The following PTPRD variants were observed in gnomAD, a reference collection of about 807,000 sequenced individuals.
PTPRD encodes the protein receptor-type tyrosine-protein phosphatase delta.
A neutral mutation model predicts 214.5 loss-of-function variants in PTPRD; 34 were observed. The ratio of observed to expected loss-of-function variants is 0.16; its 90% CI spans 0.12 to 0.21. PTPRD has a LOEUF of 0.21. Among genes scored for constraint, PTPRD ranks in the 10% least tolerant of loss-of-function variants. The pLI is 1.00. For synonymous variants in PTPRD, 1,128 were observed against 845.7 expected (o/e 1.33, Z -5.79); for missense variants, 2,545 against 2,398.7 (o/e 1.06, Z -1.27).
intron 10 of PTPRD, among the ~76,000 whole-genome samples, chr9:9,061,424 T>G (rs1363869336): frequency 1.3e-5 from 2 of 152,194 alleles, no homozygotes; most frequent in Non-Finnish European, 2.9e-5. Flanking sequence ...AACAAGGTAA[T>G]GAAGACTCGG....
chr9:8,423,346 T>C (rs911402746), intron 35 of PTPRD, among the ~76,000 whole-genome samples: 5 of 152,136 alleles, frequency 3.3e-5, no homozygotes, highest in South Asian at 4.1e-4. Flanking sequence ...TGGAAATAAA[T>C]GTAGGTAGGC....
intron 2 of PTPRD, among the ~76,000 whole-genome samples, chr9:10,398,281 G>A (rs1305674345): frequency 6.6e-6 from 1 of 151,582 alleles, no homozygotes; most frequent in Non-Finnish European, 1.5e-5. Flanking sequence ...CTCGGAACCT[G>A]AATTGGGAAA....
At chr9:9,101,694 T>G (rs184146991) in intron 10 of PTPRD, among the ~76,000 whole-genome samples, 1 of 152,338 alleles carries the variant, frequency 6.6e-6, no homozygotes, top group East Asian at 1.9e-4. Flanking sequence ...AGACATGATG[T>G]GTGCCTGTCA....
intron 2 of PTPRD, among the ~76,000 whole-genome samples, chr9:10,353,717 GT>G (rs1339090561): frequency 6.6e-6 from 1 of 151,838 alleles, no homozygotes; most frequent in Non-Finnish European, 1.5e-5. Flanking sequence ...TGAATTTAAA[GT>G]TTTTAACAAC....
At chr9:8,668,196 T>A (rs896029658) in intron 12 of PTPRD, among the ~76,000 whole-genome samples, 2 of 152,188 alleles carry the variant, frequency 1.3e-5, no homozygotes, top group Admixed American at 1.3e-4. Context: ...AACAGTGTCA[T>A]GCTACCTAAA....
intron 2 of PTPRD, among the ~76,000 whole-genome samples, chr9:10,513,860 C>A (rs1259788019): frequency 6.6e-6 from 1 of 152,090 alleles, no homozygotes. Context: ...TAACCTAGGC[C>A]TCCTGACTGA....
chr9:9,651,490 T>C (rs566404376), intron 7 of PTPRD, among the ~76,000 whole-genome samples: 1 of 152,236 alleles, frequency 6.6e-6, no homozygotes, highest in East Asian at 1.9e-4. Flanking sequence ...CGAGAACATG[T>C]GGTATTTGGT....
intron 3 of PTPRD, among the ~76,000 whole-genome samples, chr9:10,171,715 G>C (rs2099208080): frequency 6.6e-6 from 1 of 152,206 alleles, no homozygotes; most frequent in East Asian, 1.9e-4. Context: ...AGTAGAGACG[G>C]GGTTTCACTG....
At position 9,202,870 on chromosome 9, in the gene PTPRD, C is replaced by T. The variant is rs150782352; in HGVS notation, c.-202-19507G>A. 6.4e-4 allele frequency among the ~76,000 whole-genome samples: 97 copies of T among 151,998 alleles called. 1 individual carries two copies. Among genetic ancestry groups the T allele is most frequent in the East Asian group, 5.8e-4 (3 of 5,164 alleles). On this transcript the variant is annotated intron_variant, in intron 9 of 45. Coordinates refer to ENST00000381196, the MANE Select transcript of PTPRD (RefSeq NM_002839.4). ...GTGCTTTTCTAACTGTTCTTTAGTCCGCCTCTTAAATGTTGTTGTTTCTTC... is the reference window on the plus strand; with the variant it reads ...GTGCTTTTCTAACTGTTCTTTAGTCTGCCTCTTAAATGTTGTTGTTTCTTC...
chr9:10,332,102 C>G (rs1297252331), intron 3 of PTPRD, among the ~76,000 whole-genome samples: 2 of 151,812 alleles, frequency 1.3e-5, no homozygotes, highest in Non-Finnish European at 1.5e-5. Flanking sequence ...CAGGGCACAT[C>G]ATATACTGAT....
At chr9:9,198,029 G>C (rs953373163) in intron 9 of PTPRD, among the ~76,000 whole-genome samples, 4 of 152,116 alleles carry the variant, frequency 2.6e-5, no homozygotes, top group African/African-American at 9.7e-5. Flanking sequence ...TGCAGTGAAA[G>C]AACACAAAAA....
chr9:9,263,813 G>A (rs1441968797), intron 9 of PTPRD, among the ~76,000 whole-genome samples: 1 of 151,660 alleles, frequency 6.6e-6, no homozygotes, highest in East Asian at 2.0e-4. Context: ...TAGGGAGGGT[G>A]GGAGGTGGAT....
intron 8 of PTPRD, among the ~76,000 whole-genome samples, chr9:9,500,322 T>A (rs2096366635): frequency 6.6e-6 from 1 of 152,114 alleles, no homozygotes; most frequent in Admixed American, 6.6e-5. Context: ...TTTCAGGCAC[T>A]GGACGATATG....
intron 2 of PTPRD, among the ~76,000 whole-genome samples, chr9:10,556,785 G>A (rs969245356): frequency 6.6e-6 from 1 of 152,044 alleles, no homozygotes; most frequent in Non-Finnish European, 1.5e-5. Context: ...TTTTAGAAAT[G>A]TACTGCGGGA....
chr9:8,364,090 A>G (rs1462342439), intron 39 of PTPRD, among the ~76,000 whole-genome samples: 1 of 152,246 alleles, frequency 6.6e-6, no homozygotes, highest in African/African-American at 2.4e-5. Context: ...GGCATATAAC[A>G]AACACTGTGA....
At position 9,451,449 on chromosome 9, in the gene PTPRD, T is replaced by C. The variant is rs556012832; in HGVS notation, c.-236-53967A>G. Reference sequence around the variant, plus strand: ...CCATTTTTGTGTTACCTATTGAGCATAAAAGCACCATGAGAAGAATTAAAT... The same window carrying C: ...CCATTTTTGTGTTACCTATTGAGCACAAAAGCACCATGAGAAGAATTAAAT... On this transcript the variant is annotated intron_variant, in intron 8 of 45. Transcript: ENST00000381196. 1.3e-4 allele frequency among the ~76,000 whole-genome samples: 20 copies of C among 151,838 alleles called. 1 individual carries two copies. Among genetic ancestry groups the C allele is most frequent in the Admixed American group, 3.9e-4 (6 of 15,194 alleles).
chr9:10,391,997 A>G (rs1031170650), intron 2 of PTPRD, among the ~76,000 whole-genome samples: 6 of 151,676 alleles, frequency 4.0e-5, no homozygotes, highest in African/African-American at 1.2e-4. Flanking sequence ...AACCTTCCTT[A>G]AACTCTTTTA....
chr9:10,162,620 C>T (rs1026244445), intron 3 of PTPRD, among the ~76,000 whole-genome samples: 1 of 148,242 alleles, frequency 6.7e-6, no homozygotes, highest in African/African-American at 2.5e-5. Context: ...CGTATATACA[C>T]ATATATACAT....
intron 36 of PTPRD, among the ~76,000 whole-genome samples, chr9:8,401,883 A>G (rs1398150672): frequency 1.3e-5 from 2 of 152,206 alleles, no homozygotes; most frequent in Non-Finnish European, 2.9e-5. Flanking sequence ...AGTTAGTAAC[A>G]TTGGTTGGAA....
Sources: gnomAD v4.1 joint callset for allele counts (sites outside exome capture counted in the v4.1 genomes callset) on GRCh38, gnomAD v4.1.1 for gene constraint, MANE v1.5 for transcripts, NCBI Gene and HGNC (gene_info 2026-07-23, HGNC 2026-07-21) for gene names.